SH2D4A: variants seen among roughly 807,000 people sequenced by gnomAD.
SH2D4A encodes the protein SH2 domain containing 4A.
A neutral mutation model predicts 64.7 loss-of-function variants in SH2D4A; 70 were observed. That is an observed-to-expected ratio of 1.08 (90% confidence interval 0.89 to 1.32). The LOEUF (loss-of-function observed/expected upper bound fraction) is 1.32. Ranked by LOEUF, SH2D4A falls within the 40% of genes most tolerant of loss-of-function variation. The pLI is 0.00. For synonymous variants in SH2D4A, 268 were observed against 200.7 expected, an observed-to-expected ratio of 1.34 and a Z score of -2.83; for missense variants, 706 against 540.1, an observed-to-expected ratio of 1.31 and a Z score of -3.04.
At chr8:19,374,784 G>A (rs183486863) in intron 8 of SH2D4A, among the ~76,000 whole-genome samples, 20 of 152,214 alleles carry the variant, frequency 1.3e-4, no homozygotes, top group Admixed American at 6.5e-5. Context: ...TGAAGACAAT[G>A]AGAGAGAGAT....
intron 8 of SH2D4A, among the ~76,000 whole-genome samples, chr8:19,387,653 G>T (rs539671851): frequency 1.3e-5 from 2 of 152,318 alleles, no homozygotes; most frequent in South Asian, 4.1e-4. Context: ...AAGTAAGTAA[G>T]TAAGTAGTGG....
At chr8:19,380,793 A>G (rs74708715) in intron 8 of SH2D4A, among the ~76,000 whole-genome samples, 2,915 of 152,264 alleles carry the variant, frequency 0.019, 105 homozygotes, top group African/African-American at 0.067. Flanking sequence ...GTAAGTTTTG[A>G]AATGAGTATG....
chr8:19,393,775 G>A (rs371670805), intron 9 of SH2D4A, among the ~76,000 whole-genome samples: 66 of 152,160 alleles, frequency 4.3e-4, no homozygotes, highest in African/African-American at 1.4e-3. Context: ...CAGAGAATAC[G>A]GGAAATGCTA....
At chr8:19,369,926 C>CT (rs2053066369) in intron 7 of SH2D4A, among the ~76,000 whole-genome samples, 1 of 152,046 alleles carries the variant, frequency 6.6e-6, no homozygotes, top group Middle Eastern at 3.4e-3. Flanking sequence ...TATCTTTCTA[C>CT]TTTTTTGATA....
intron 4 of SH2D4A, among the ~76,000 whole-genome samples, chr8:19,355,920 A>G (rs1298652937): frequency 6.6e-6 from 1 of 152,220 alleles, no homozygotes; most frequent in Non-Finnish European, 1.5e-5. Context: ...AATAGTCCCC[A>G]AATGCCATGG....
chr8:19,391,184 G>C (rs577781326), intron 8 of SH2D4A, among the ~76,000 whole-genome samples: 3 of 152,238 alleles, frequency 2.0e-5, no homozygotes, highest in African/African-American at 7.2e-5. Context: ...TCCCCGCATG[G>C]GCTGGTACCT....
In SH2D4A at chr8:19,373,553, T is replaced by TG. The variant is rs1246599799; in HGVS notation, c.942dup (p.Ser315ValfsTer13). 2 of 1,609,520 alleles carry TG rather than the reference T, an allele frequency of 1.2e-6. No individual in the cohort carries two copies. Among genetic ancestry groups the TG allele is most frequent in the Non-Finnish European group, 1.7e-6 (2 of 1,177,544 alleles). ...AGAAATCAGGGAGTGGTGAGGACAC[T>TG]GTCCAGCTCTGCCCAAGAGGACATC... On this transcript the variant is annotated frameshift_variant, in exon 8 of 10. Coordinates refer to ENST00000265807, the MANE Select transcript of SH2D4A (RefSeq NM_022071.4). LOFTEE classifies it high-confidence loss of function.
intron 2 of SH2D4A, among the ~76,000 whole-genome samples, chr8:19,321,051 CT>C (rs1336540237): frequency 2.0e-5 from 3 of 152,168 alleles, no homozygotes; most frequent in Non-Finnish European, 4.4e-5. Context: ...GTCATTTCCT[CT>C]TGTTATGATC....
At chr8:19,321,870 T>G (rs889077313) in intron 2 of SH2D4A, among the ~76,000 whole-genome samples, 19 of 152,242 alleles carry the variant, frequency 1.2e-4, no homozygotes, top group African/African-American at 4.6e-4. Flanking sequence ...GTTTGCTGAA[T>G]TGGTCTCCTT....
intron 8 of SH2D4A, among the ~76,000 whole-genome samples, chr8:19,391,121 C>T (rs1348696081): frequency 1.3e-5 from 2 of 152,134 alleles, no homozygotes; most frequent in East Asian, 3.9e-4. Context: ...GAAAACATCC[C>T]TGGGTTTCGG....
intron 6 of SH2D4A, chr8:19,363,722 C>T: frequency 3.0e-6 from 1 of 332,292 alleles, no homozygotes; most frequent in South Asian, 2.9e-5. Context: ...TTACTCAGCA[C>T]CCCTGCCAGC....
At chr8:19,344,699 A>G (rs1172346146) in intron 4 of SH2D4A, among the ~76,000 whole-genome samples, 1 of 152,188 alleles carries the variant, frequency 6.6e-6, no homozygotes, top group Non-Finnish European at 1.5e-5. Flanking sequence ...ATACCCCTGT[A>G]GGCTGTCGGG....
chr8:19,323,743 C>G (rs1331719009), intron 2 of SH2D4A, among the ~76,000 whole-genome samples: 1 of 152,166 alleles, frequency 6.6e-6, no homozygotes, highest in Non-Finnish European at 1.5e-5. Context: ...GTACACATTT[C>G]TGCATGCTAT....
intron 2 of SH2D4A, among the ~76,000 whole-genome samples, chr8:19,324,030 G>A (rs1311686261): frequency 6.6e-6 from 1 of 152,210 alleles, no homozygotes; most frequent in Non-Finnish European, 1.5e-5. Flanking sequence ...GGAGCTTAAT[G>A]ACAGTGACTT....
intron 4 of SH2D4A, among the ~76,000 whole-genome samples, chr8:19,343,191 G>A (rs1038273584): frequency 1.7e-4 from 26 of 152,126 alleles, no homozygotes; most frequent in Non-Finnish European, 1.0e-4. Context: ...TTGGGAGGCC[G>A]AGGCAGGTGG....
In SH2D4A at chr8:19,314,142, G is replaced by A. The variant is rs191999589; in HGVS notation, c.-205+319G>A. On this transcript the variant is annotated intron_variant, in intron 1 of 9. Coordinates refer to ENST00000265807, the MANE Select transcript of SH2D4A (RefSeq NM_022071.4). ...GGTGGCGGGGGAACTTCGAGGGAGA[G>A]GGTCTGCCGGGGCTGAGGACCTTCG... is the stretch of plus-strand genomic sequence containing the variant. 348 of 1,081,346 alleles carry A rather than the reference G, an allele frequency of 3.2e-4. 4 individuals carry two copies. In the African/African-American group the frequency reaches 5.3e-3, roughly 16 times the overall value. The allele number at this position is 1,081,346 out of a possible 1,614,324, so 67.0% of individuals were successfully genotyped here.
intron 8 of SH2D4A, among the ~76,000 whole-genome samples, chr8:19,380,334 T>G (rs2053270857): frequency 6.6e-6 from 1 of 152,234 alleles, no homozygotes; most frequent in Non-Finnish European, 1.5e-5. Context: ...CTTTTTACTC[T>G]GTTGAGAGTG....
chr8:19,367,695 C>T (rs2053022750), intron 7 of SH2D4A, among the ~76,000 whole-genome samples: 1 of 152,000 alleles, frequency 6.6e-6, no homozygotes, highest in South Asian at 2.1e-4. Flanking sequence ...TGATTGTTTC[C>T]TTTGCTGCAG....
chr8:19,324,843 A>G (rs1223753864), intron 2 of SH2D4A, among the ~76,000 whole-genome samples: 2 of 152,170 alleles, frequency 1.3e-5, no homozygotes, highest in Non-Finnish European at 2.9e-5. Flanking sequence ...AAGCTCATTC[A>G]TAGACTCTCA....
Sources: allele counts gnomAD v4.1 joint callset (sites outside exome capture counted in the v4.1 genomes callset), GRCh38; gene constraint gnomAD v4.1.1; transcripts MANE v1.5; gene names NCBI Gene and HGNC (gene_info 2026-07-23, HGNC 2026-07-21).